The following RNF216 variants were observed in gnomAD, a reference collection of about 807,000 sequenced individuals.
The protein encoded by RNF216 is E3 ubiquitin-protein ligase RNF216.
RNF216 carries 72 observed loss-of-function variants against 110.8 expected under a neutral mutation model. The ratio of observed to expected loss-of-function variants is 0.65; its 90% CI spans 0.54 to 0.79. RNF216 has a LOEUF of 0.79. RNF216 is among the 30% of genes least tolerant of loss of function. The probability of loss-of-function intolerance (pLI) is 0.00; values close to 1 mark genes in which losing one functional copy is unlikely to be tolerated. For missense variants in RNF216, 1,342 were observed against 1,141.2 expected (o/e 1.18, Z -2.54); for synonymous variants, 495 against 407.5 (o/e 1.21, Z -2.59).
In RNF216 at chr7:5,696,759, T is replaced by C. The variant is rs3801012; in HGVS notation, c.2061+15002A>G. ...AAATGGGAAAAGTAATCACAGCAAA[T>C]ACCTGCAACATTGTACGAACGGGCT... On this transcript the variant is annotated intron_variant, in intron 13 of 16. Coordinates refer to ENST00000389902, the MANE Select transcript of RNF216 (RefSeq NM_207111.4). This position sits in a 1 kb window ranked among gnomAD's most constrained non-coding sequence, Gnocchi z 5.4. 0.04 allele frequency among the ~76,000 whole-genome samples: 6,038 copies of C among 152,176 alleles called. 176 individuals are homozygous for C. The highest frequency in any genetic ancestry group is 0.072 in the East Asian group (370 of 5,166).
chr7:5,681,560 C>G (rs553546296), intron 13 of RNF216, among the ~76,000 whole-genome samples: 36 of 152,312 alleles, frequency 2.4e-4, no homozygotes, highest in Middle Eastern at 6.8e-3. Flanking sequence ...AGGACAGTGT[C>G]TTCCTCCTCC....
Position 5,739,354 on chromosome 7 carries a change from T to C in RNF216, c.1045-2A>G. On this transcript the variant is annotated splice_acceptor_variant, in intron 4 of 16. Coordinates refer to ENST00000389902, the MANE Select transcript of RNF216 (RefSeq NM_207111.4). LOFTEE classifies it high-confidence loss of function. ...TGCTACATCTGGAAATCTTGCTTCC[T>C]AGAAACAAATAAGAACATAATTTAT... is the stretch of plus-strand genomic sequence containing the variant. The C allele has an allele frequency of 6.3e-7, 1 of 1,591,868 alleles. No homozygotes were observed. Among genetic ancestry groups the C allele is most frequent in the Non-Finnish European group, 8.5e-7 (1 of 1,172,606 alleles).
intron 13 of RNF216, among the ~76,000 whole-genome samples, chr7:5,676,191 TAGGAG>T (rs1221007858): frequency 6.6e-6 from 1 of 151,974 alleles, no homozygotes; most frequent in East Asian, 1.9e-4. Flanking sequence ...TTTGTATTTT[TAGGAG>T]AGATAGGGTT....
chr7:5,703,544 G>A (rs1320331277), intron 13 of RNF216, among the ~76,000 whole-genome samples: 1 of 152,182 alleles, frequency 6.6e-6, no homozygotes, highest in South Asian at 2.1e-4. Flanking sequence ...TGTACTTCAC[G>A]GCTGTAAAGT....
At chr7:5,655,771 A>T (rs1277590693) in intron 13 of RNF216, among the ~76,000 whole-genome samples, 1 of 147,708 alleles carries the variant, frequency 6.8e-6, no homozygotes, top group Non-Finnish European at 1.5e-5. Context: ...TGTAAATTTT[A>T]CTAAATTGTA....
intron 9 of RNF216, among the ~76,000 whole-genome samples, chr7:5,719,324 C>T (rs1444598553): frequency 6.6e-6 from 1 of 152,174 alleles, no homozygotes; most frequent in Non-Finnish European, 1.5e-5. Context: ...AGCAGTAAGC[C>T]ATGATTGCAT....
At chr7:5,640,215 A>G (rs1787653991) in intron 15 of RNF216, among the ~76,000 whole-genome samples, 1 of 152,030 alleles carries the variant, frequency 6.6e-6, no homozygotes, top group South Asian at 2.1e-4. Flanking sequence ...CCAGTTTTTC[A>G]TGTATCCCTA....
intron 13 of RNF216, 64 bp downstream of exon 13, chr7:5,711,697 G>T: frequency 7.6e-7 from 1 of 1,320,052 alleles, no homozygotes; most frequent in Non-Finnish European, 1.1e-6. Context: ...AGATATTTGG[G>T]CCATGAGGGC....
At chr7:5,656,687 G>A (rs926999508) in intron 13 of RNF216, among the ~76,000 whole-genome samples, 1 of 152,154 alleles carries the variant, frequency 6.6e-6, no homozygotes, top group Non-Finnish European at 1.5e-5. Flanking sequence ...AATACATTAA[G>A]GTGTTTTGGC....
At position 5,660,982 on chromosome 7, in the gene RNF216, G is replaced by A. The variant is rs920634286; in HGVS notation, c.2062-8472C>T. 6.5e-4 allele frequency among the ~76,000 whole-genome samples: 69 copies of A among 106,930 alleles called. 1 individual carries two copies. The highest frequency in any genetic ancestry group is 2.7e-3 in the African/African-American group (64 of 23,888). The allele number at this position is 106,930 out of a possible 152,430, so 70.2% of individuals were successfully genotyped here. ...TTTTTTTTTTTTGAAACAGCATCTC[G>A]CTTTGTCACCCAGGCTGGAGTAAAT... On this transcript the variant is annotated intron_variant, in intron 13 of 16. Coordinates refer to ENST00000389902, the MANE Select transcript of RNF216 (RefSeq NM_207111.4).
chr7:5,741,210 G>T lies in RNF216; in HGVS notation c.807C>A (p.Phe269Leu). The T allele has an allele frequency of 6.2e-7, 1 of 1,614,106 alleles. No homozygotes were observed. Among genetic ancestry groups the T allele is most frequent in the Non-Finnish European group, 8.5e-7 (1 of 1,180,018 alleles). Reference protein sequence around the residue: ...ELGRLLFQHEFPGPAFPRPEP... With the variant: ...ELGRLLFQHELPGPAFPRPEP... ...CCGGCCTTGGAAAAGCGGGCCCTGG[G>T]AATTCATGCTGAAACAACAAGCGGC... Residue 269 changes from phenylalanine to leucine, a missense_variant, in exon 4 of 17, where the codon TTC (phenylalanine) becomes TTA (leucine). Coordinates refer to ENST00000389902, the MANE Select transcript of RNF216 (RefSeq NM_207111.4).
In RNF216 at chr7:5,652,487, T is replaced by A. The variant is rs758222126; in HGVS notation, c.2085A>T (p.Gly695=). 24 of 1,613,622 alleles carry A rather than the reference T, an allele frequency of 1.5e-5. No individual in the cohort carries two copies. The South Asian group carries it at 2.3e-4, about 16-fold the overall frequency. Reference sequence around the variant, plus strand: ...TGAGGCCATTATGTTCTTTCCAGAGTCCCTGACACTTCCTACAGGTTTCCT... The same window carrying A: ...TGAGGCCATTATGTTCTTTCCAGAGACCCTGACACTTCCTACAGGTTTCCT... ...CRKETCRKCQ[G]LWKEHNGLTC... is the part of the protein sequence containing the mutation. Residue 695 remains glycine, a synonymous_variant, in exon 14 of 17, where the codon GGA becomes GGT. Transcript: ENST00000389902.
chr7:5,687,759 T>C (rs79767547), intron 13 of RNF216, among the ~76,000 whole-genome samples: 10,288 of 152,220 alleles, frequency 0.068, 446 homozygotes, highest in South Asian at 0.13. Context: ...GATAAGTGAA[T>C]CCACTAGCAT....
intron 9 of RNF216, among the ~76,000 whole-genome samples, chr7:5,717,356 A>C (rs189955936): frequency 6.6e-6 from 1 of 152,324 alleles, no homozygotes; most frequent in Non-Finnish European, 1.5e-5. Context: ...TCCATCTCAA[A>C]AAACAAACAA....
Position 5,622,743 on chromosome 7 carries a change from C to T in RNF216, c.*117G>A. On this transcript the variant is annotated 3_prime_UTR_variant, in exon 17 of 17. Transcript: ENST00000389902. ...GGAAAGGGGTGGGAAGAAAACCAGC[C>T]TACCCTTCAAGCTGACTTAGGATGC... The T allele has an allele frequency of 9.6e-7, 1 of 1,043,998 alleles. No homozygotes were observed. The highest frequency in any genetic ancestry group is 1.4e-6 in the Non-Finnish European group (1 of 723,030). 64.7% of individuals were successfully genotyped at this position (1,043,998 alleles called of 1,614,324 possible). A position where few individuals can be genotyped will look rare whatever the true frequency, so the allele number is the denominator to read the frequency against.
At chr7:5,684,106 T>C (rs992353608) in intron 13 of RNF216, among the ~76,000 whole-genome samples, 1 of 137,486 alleles carries the variant, frequency 7.3e-6, no homozygotes, top group Non-Finnish European at 1.6e-5. Flanking sequence ...TTTTTTTTTT[T>C]TTTTTTTTTT....
chr7:5,761,785 C>CA (rs1199654099), intron 1 of RNF216, among the ~76,000 whole-genome samples: 1,452 of 87,084 alleles, frequency 0.017, 11 homozygotes, highest in African/African-American at 0.047. Context: ...GACTCCGTCA[C>CA]AAAAAAAAAA....
chr7:5,777,082 CAG>C (rs1161287661), intron 1 of RNF216, among the ~76,000 whole-genome samples: 1 of 152,142 alleles, frequency 6.6e-6, no homozygotes, highest in Admixed American at 6.6e-5. Flanking sequence ...AGAGATCACA[CAG>C]AAAGACCTGA....
intron 13 of RNF216, among the ~76,000 whole-genome samples, chr7:5,699,454 C>G (rs1419668498): frequency 6.6e-6 from 1 of 152,208 alleles, no homozygotes; most frequent in African/African-American, 2.4e-5. Flanking sequence ...AGACCTCAGC[C>G]TGTTTTAACT....
Sources: allele counts gnomAD v4.1 joint callset (sites outside exome capture counted in the v4.1 genomes callset), GRCh38; gene constraint gnomAD v4.1.1; non-coding constraint Gnocchi (gnomAD v3.1); transcripts MANE v1.5; gene names NCBI Gene and HGNC (gene_info 2026-07-23, HGNC 2026-07-21).